EXOC4: variants seen among roughly 807,000 people sequenced by gnomAD.
The protein encoded by EXOC4 is exocyst complex component 4, also known as SEC8-like 1.
EXOC4 carries 71 observed loss-of-function variants against 107.2 expected under a neutral mutation model. That is an observed-to-expected ratio of 0.66 (90% CI 0.55 to 0.81). The LOEUF (loss-of-function observed/expected upper bound fraction) is 0.81, where lower values mean the gene tolerates loss of function less well. Ranked by LOEUF, EXOC4 falls within the 30% of genes least tolerant of loss-of-function variation. EXOC4 has a pLI of 0.00. For missense variants in EXOC4, 1,108 were observed against 1,189.6 expected (o/e 0.93, Z 1.01); for synonymous variants, 456 against 441.2 (o/e 1.03, Z -0.42).
Position 134,007,718 on chromosome 7 carries a change from A to G in EXOC4, c.2570A>G (p.Gln857Arg), listed in dbSNP as rs1392959563. The change falls in exon 17 of 18, where the codon CAG becomes CGG. Residue 857 changes from glutamine (Q) to arginine (R), a missense_variant. Coordinates refer to ENST00000253861, the MANE Select transcript of EXOC4 (RefSeq NM_021807.4). Reference sequence around the variant, plus strand: ...TCCTGCATCCTCATTAATGGTGCCCAGTACTTCAGGCGCATCAGTGAGTCT... The same window carrying G: ...TCCTGCATCCTCATTAATGGTGCCCGGTACTTCAGGCGCATCAGTGAGTCT... Reference protein sequence around the residue: ...LISCILINGAQYFRRISESGI... With the variant: ...LISCILINGARYFRRISESGI... The G allele has an allele frequency of 1.9e-6, 3 of 1,613,604 alleles. No individual in the cohort carries two copies. Among genetic ancestry groups the G allele is most frequent in the East Asian group, 2.2e-5 (1 of 44,858 alleles).
intron 5 of EXOC4, among the ~76,000 whole-genome samples, chr7:133,323,958 G>A (rs1460375203): frequency 5.3e-5 from 8 of 152,150 alleles, no homozygotes; most frequent in Non-Finnish European, 1.2e-4. Flanking sequence ...ATGTGTCAAG[G>A]AATTTATCCA....
At chr7:133,801,501 A>G (rs1796941964) in intron 10 of EXOC4, among the ~76,000 whole-genome samples, 1 of 152,150 alleles carries the variant, frequency 6.6e-6, no homozygotes, top group Non-Finnish European at 1.5e-5. Context: ...AGGCAAATGA[A>G]TGTTAGATGG....
At chr7:133,441,271 A>G (rs1798097472) in intron 7 of EXOC4, among the ~76,000 whole-genome samples, 1 of 152,274 alleles carries the variant, frequency 6.6e-6, no homozygotes, top group South Asian at 2.1e-4. Context: ...GAATATGTGG[A>G]AGGAAGGAAT....
chr7:133,883,478 C>CAAAA (rs1168936994), intron 11 of EXOC4, among the ~76,000 whole-genome samples: 1 of 128,300 alleles, frequency 7.8e-6, no homozygotes, highest in Non-Finnish European at 1.7e-5. Context: ...CCATCTCTAC[C>CAAAA]AAAAAAAAAA....
intron 9 of EXOC4, among the ~76,000 whole-genome samples, chr7:133,575,627 A>G (rs1202641065): frequency 1.3e-5 from 2 of 152,208 alleles, no homozygotes; most frequent in Non-Finnish European, 1.5e-5. Context: ...AGTTCTGGTA[A>G]TGAGTAGAGC....
chr7:133,826,671 A>C (rs908714403), intron 11 of EXOC4, among the ~76,000 whole-genome samples: 4 of 152,204 alleles, frequency 2.6e-5, no homozygotes, highest in African/African-American at 7.2e-5. Context: ...CAGTGTTAAC[A>C]GGAGTGGTGC....
chr7:134,043,548 A>T (rs936432373), intron 17 of EXOC4, among the ~76,000 whole-genome samples: 1 of 152,226 alleles, frequency 6.6e-6, no homozygotes, highest in Non-Finnish European at 1.5e-5. Flanking sequence ...CAACAGAAGT[A>T]TAAATCTGGA....
At chr7:133,774,902 C>T (rs1796314553) in intron 10 of EXOC4, among the ~76,000 whole-genome samples, 1 of 151,936 alleles carries the variant, frequency 6.6e-6, no homozygotes, top group South Asian at 2.1e-4. Context: ...CTCCCCCGCC[C>T]CTCCCCCACC....
intron 9 of EXOC4, among the ~76,000 whole-genome samples, chr7:133,581,496 C>T (rs1178125245): frequency 5.9e-5 from 9 of 151,994 alleles, no homozygotes; most frequent in Non-Finnish European, 8.8e-5. Flanking sequence ...CGGTGGCTCA[C>T]GCCTGTAATC....
intron 5 of EXOC4, among the ~76,000 whole-genome samples, chr7:133,321,392 G>A (rs1325710537): frequency 6.6e-6 from 1 of 151,954 alleles, no homozygotes; most frequent in East Asian, 1.9e-4. Context: ...TCTATATTAG[G>A]TATTTCTCCT....
chr7:133,900,949 AGCCTCC>A (rs1162289353), intron 12 of EXOC4, among the ~76,000 whole-genome samples: 3 of 152,158 alleles, frequency 2.0e-5, no homozygotes, highest in African/African-American at 7.2e-5. Flanking sequence ...AGCTCACTGC[AGCCTCC>A]GCCTCCCAGA....
chr7:133,566,373 G>A (rs866765487), intron 9 of EXOC4, among the ~76,000 whole-genome samples: 26 of 152,122 alleles, frequency 1.7e-4, no homozygotes, highest in South Asian at 4.1e-4. Context: ...AATAATAATG[G>A]TACCTATCTC....
chr7:133,263,148 A>G (rs1793615645), intron 1 of EXOC4, among the ~76,000 whole-genome samples: 1 of 152,142 alleles, frequency 6.6e-6, no homozygotes, highest in Non-Finnish European at 1.5e-5. Context: ...TCTTCCCTTT[A>G]TAAATTACCT....
rs76393333 is a variant in EXOC4, at chr7:133,369,614, G to T, written c.1008-5214G>T. Reference sequence around the variant, plus strand: ...GGAGTGTTGGTCCTGGACCTCACTTGCTTTTCTTATTCTGCATATTATCCC... The same window carrying T: ...GGAGTGTTGGTCCTGGACCTCACTTTCTTTTCTTATTCTGCATATTATCCC... On this transcript the variant is annotated intron_variant, in intron 6 of 17. Coordinates refer to ENST00000253861, the MANE Select transcript of EXOC4 (RefSeq NM_021807.4). 2.0e-3 allele frequency among the ~76,000 whole-genome samples: 300 copies of T among 151,994 alleles called. 4 individuals are homozygous for T. Among genetic ancestry groups the T allele is most frequent in the African/African-American group, 6.7e-3 (278 of 41,458 alleles).
At chr7:133,277,809 A>G (rs1197747176) in intron 2 of EXOC4, among the ~76,000 whole-genome samples, 2 of 152,326 alleles carry the variant, frequency 1.3e-5, no homozygotes, top group East Asian at 1.9e-4. Context: ...ACAATTTTGT[A>G]CCATGACAGT....
chr7:133,777,217 T>C (rs180765748), intron 10 of EXOC4, among the ~76,000 whole-genome samples: 1 of 152,056 alleles, frequency 6.6e-6, no homozygotes, highest in African/African-American at 2.4e-5. Context: ...TCAGAACTTC[T>C]CCTGAGATTG....
At chr7:133,545,908 A>G (rs1203368495) in intron 9 of EXOC4, among the ~76,000 whole-genome samples, 1 of 152,078 alleles carries the variant, frequency 6.6e-6, no homozygotes, top group Non-Finnish European at 1.5e-5. Flanking sequence ...ACCAATTTAT[A>G]TTTTGGGGTT....
intron 5 of EXOC4, among the ~76,000 whole-genome samples, chr7:133,323,736 G>A (rs1325205179): frequency 6.6e-6 from 1 of 152,150 alleles, no homozygotes; most frequent in Admixed American, 6.5e-5. Flanking sequence ...AAATGAGTTA[G>A]GGAGGATTCC....
intron 7 of EXOC4, among the ~76,000 whole-genome samples, chr7:133,443,800 CCT>C (rs1248818912): frequency 2.0e-5 from 3 of 152,200 alleles, no homozygotes; most frequent in Non-Finnish European, 4.4e-5. Flanking sequence ...GGAAACACCC[CCT>C]CTCAAAGGGG....
Sources: gnomAD v4.1 joint callset for allele counts (sites outside exome capture counted in the v4.1 genomes callset) on GRCh38, gnomAD v4.1.1 for gene constraint, MANE v1.5 for transcripts, NCBI Gene and HGNC (gene_info 2026-07-23, HGNC 2026-07-21) for gene names.